Variants in SRPRB observed in about 807,000 individuals in gnomAD.
The protein encoded by SRPRB is signal recognition particle receptor subunit beta.
SRPRB carries 20 observed loss-of-function variants against 31.9 expected under a neutral mutation model. The ratio of observed to expected loss-of-function variants is 0.63; its 90% CI spans 0.44 to 0.91. SRPRB has a LOEUF of 0.91. Among genes scored for constraint, SRPRB ranks in the 40% least tolerant of loss-of-function variants. The probability of loss-of-function intolerance (pLI) is 0.00; values close to 1 mark genes in which losing one functional copy is unlikely to be tolerated. For synonymous variants in SRPRB, 146 were observed against 132.8 expected (o/e 1.10, Z -0.68); for missense variants, 321 against 324.9 (o/e 0.99, Z 0.09).
chr3:133,819,539 C>T lies in SRPRB; in HGVS notation c.603-14C>T, dbSNP rs1016236347. On this transcript the variant is annotated splice_polypyrimidine_tract_variant and intron_variant, in intron 6 of 6. Coordinates refer to ENST00000678299, the MANE Select transcript of SRPRB (RefSeq NM_001379313.1). ...AAAATTTTGCCTCCTGACTTCTTTC[C>T]TTTTGCCCCACAGCAACACCTTACG... is the stretch of plus-strand genomic sequence containing the variant. The T allele has an allele frequency of 1.2e-6, 2 of 1,601,932 alleles. No individual in the cohort carries two copies. Among genetic ancestry groups the T allele is most frequent in the African/African-American group, 2.7e-5 (2 of 74,706 alleles).
At chr3:133,807,862 C>T in intron 3 of SRPRB, 39 bp downstream of exon 3, 1 of 1,507,408 alleles carries the variant, frequency 6.6e-7, no homozygotes. Flanking sequence ...GACAGTCTTA[C>T]TTTACTGTGG....
chr3:133,788,602 T>C (rs1370609723), intron 1 of SRPRB: 1 of 152,126 alleles, frequency 6.6e-6, no homozygotes, highest in Non-Finnish European at 1.5e-5. Flanking sequence ...TTGGGATTTT[T>C]CATCTTTTCT....
At chr3:133,801,032 TATA>T (rs1031174844), upstream of SRPRB, among the ~76,000 whole-genome samples, 2 of 152,230 alleles carry the variant, frequency 1.3e-5, no homozygotes, top group African/African-American at 4.8e-5. Context: ...GAGTTTTTAA[TATA>T]ATAAGCATGT....
chr3:133,820,695 C>G lies in SRPRB; in HGVS notation c.*929C>G, dbSNP rs1375096177. On this transcript the variant is annotated 3_prime_UTR_variant, in exon 7 of 7. Coordinates refer to ENST00000678299, the MANE Select transcript of SRPRB (RefSeq NM_001379313.1). The stretch of plus-strand genomic sequence containing the variant: ...TGCCTTTTTGAAGTGATGTTTTTTG[C>G]TGTCTTCTTAAACACAAGGCTTTTT... 2 of 146,746 alleles carry G rather than the reference C, an allele frequency of 1.4e-5. No homozygotes were observed. Among genetic ancestry groups the G allele is most frequent in the Admixed American group, 1.5e-4 (2 of 13,736 alleles). 9.1% of individuals were successfully genotyped at this position (146,746 alleles called of 1,614,324 possible).
At chr3:133,804,956 G>A (rs1358820193), upstream of SRPRB, among the ~76,000 whole-genome samples, 1 of 152,082 alleles carries the variant, frequency 6.6e-6, no homozygotes, top group Non-Finnish European at 1.5e-5. Context: ...GTTTTATTTG[G>A]GCCACAAGTT....
At chr3:133,821,571 G>A (rs946730137), downstream of SRPRB, 4 of 152,182 alleles carry the variant, frequency 2.6e-5, no homozygotes, top group African/African-American at 9.7e-5. Flanking sequence ...CAGAAAAAGT[G>A]ACTGAAGAAG....
upstream of SRPRB, among the ~76,000 whole-genome samples, chr3:133,803,614 C>G (rs564399992): frequency 1.8e-4 from 28 of 152,106 alleles, 2 homozygotes; most frequent in South Asian, 5.6e-3. Context: ...ACATCTCTAT[C>G]TAGCTACTCG....
rs766744945 is a variant in SRPRB at position 133,819,701 on chromosome 3, G to A, written c.751G>A (p.Gly251Arg). The change falls in exon 7 of 7, where the codon GGA (glycine) becomes AGA (arginine). Residue 251 changes from glycine (G) to arginine (R), a missense_variant. By Grantham distance (125) the Gly-to-Arg change is moderately radical. Coordinates refer to ENST00000678299, the MANE Select transcript of SRPRB (RefSeq NM_001379313.1). ...GTTCCTGGAGTGCAGTGCCAAGGGTGGAAGAGGGGACGTGGGCTCTGCTGA... is the reference window on the plus strand; with the variant it reads ...GTTCCTGGAGTGCAGTGCCAAGGGTAGAAGAGGGGACGTGGGCTCTGCTGA... The part of the protein sequence containing the change: ...VEFLECSAKG[G>R]RGDVGSADIQ... The A allele has an allele frequency of 6.2e-7, 1 of 1,614,174 alleles. No homozygotes were observed. Among genetic ancestry groups the A allele is most frequent in the Non-Finnish European group, 8.5e-7 (1 of 1,180,038 alleles).
At chr3:133,797,609 T>C (rs931659383) in intron 1 of SRPRB, among the ~76,000 whole-genome samples, 2 of 152,196 alleles carry the variant, frequency 1.3e-5, no homozygotes, top group Non-Finnish European at 2.9e-5. Flanking sequence ...TTTTTAAACT[T>C]GATGCTGACT....
chr3:133,816,744 A>T, intron 5 of SRPRB, 134 bp from the exon 6 acceptor site: 1 of 586,314 alleles, frequency 1.7e-6, no homozygotes, highest in Non-Finnish European at 3.0e-6. Flanking sequence ...AGAAGGAACT[A>T]GTGATAAAAG....
chr3:133,811,050 T>C (rs141197613), intron 3 of SRPRB, 67 bp from the exon 4 acceptor site: 2 of 1,489,982 alleles, frequency 1.3e-6, no homozygotes, highest in South Asian at 2.3e-5. Flanking sequence ...CAATATATGA[T>C]ACTAAAGGTT....
rs900416599 is a variant in SRPRB, at chr3:133,820,418, C to G, written c.*652C>G. The G allele has an allele frequency of 6.5e-6, 1 of 153,000 alleles. No individual in the cohort carries two copies. Among genetic ancestry groups the G allele is most frequent in the African/African-American group, 2.4e-5 (1 of 41,416 alleles). The allele number at this position is 153,000 out of a possible 1,614,324, so 9.5% of individuals were successfully genotyped here. A position where few individuals can be genotyped will look rare whatever the true frequency, so the allele number is the denominator to read the frequency against. On this transcript the variant is annotated 3_prime_UTR_variant, in exon 7 of 7. Coordinates refer to ENST00000678299, the MANE Select transcript of SRPRB (RefSeq NM_001379313.1). Reference sequence around the variant, plus strand: ...TTGGAGTCATTCCCAGATAATAGAACTGGAAATGATAAATCCCCTAATGCC... The same window carrying G: ...TTGGAGTCATTCCCAGATAATAGAAGTGGAAATGATAAATCCCCTAATGCC...
chr3:133,822,070 T>C (rs1935482975), downstream of SRPRB, among the ~76,000 whole-genome samples: 1 of 151,988 alleles, frequency 6.6e-6, no homozygotes, highest in Non-Finnish European at 1.5e-5. Flanking sequence ...GGTGGTGCCC[T>C]TTTGTGGCCC....
In SRPRB at chr3:133,806,009, G is replaced by T; in HGVS notation, c.154+7G>T. 2.5e-6 allele frequency: 4 copies of T among 1,611,660 alleles called. No homozygotes were observed. Among genetic ancestry groups the T allele is most frequent in the Non-Finnish European group, 1.7e-6 (2 of 1,178,540 alleles). ...GCGGTGCTGCTGACGCTAGGTAAAA[G>T]GCGGCCGGTGGTCATGGCGGGTTTG... On this transcript the variant is annotated splice_region_variant and intron_variant, in intron 1 of 6. Coordinates refer to ENST00000678299, the MANE Select transcript of SRPRB (RefSeq NM_001379313.1).
At chr3:133,806,140 C>T in intron 1 of SRPRB, 138 bp downstream of exon 1, 1 of 1,152,972 alleles carries the variant, frequency 8.7e-7, no homozygotes. Context: ...CCAGTCTACA[C>T]CCCACCCTCT....
chr3:133,789,459 A>T (rs1934773974), intron 1 of SRPRB: 1 of 152,190 alleles, frequency 6.6e-6, no homozygotes, highest in Non-Finnish European at 1.5e-5. Flanking sequence ...CACAGCCTTC[A>T]TTGGATTGCT....
In SRPRB at chr3:133,806,020, G is replaced by T; in HGVS notation, c.154+18G>T. 1.9e-6 allele frequency: 3 copies of T among 1,609,730 alleles called. No individual in the cohort carries two copies. Among genetic ancestry groups the T allele is most frequent in the Non-Finnish European group, 2.5e-6 (3 of 1,177,420 alleles). Reference sequence around the variant, plus strand: ...GACGCTAGGTAAAAGGCGGCCGGTGGTCATGGCGGGTTTGGGGCGGGCAGA... The same window carrying T: ...GACGCTAGGTAAAAGGCGGCCGGTGTTCATGGCGGGTTTGGGGCGGGCAGA... On this transcript the variant is annotated intron_variant, in intron 1 of 6. Coordinates refer to ENST00000678299, the MANE Select transcript of SRPRB (RefSeq NM_001379313.1).
chr3:133,807,309 A>G (rs930122782), intron 2 of SRPRB, among the ~76,000 whole-genome samples: 5 of 136,650 alleles, frequency 3.7e-5, no homozygotes, highest in African/African-American at 1.4e-4. Flanking sequence ...GCTGGAGTGC[A>G]GTGGCGAGAT....
downstream of SRPRB, chr3:133,828,517 TTTTTAAA>T (rs1935607608): frequency 2.1e-6 from 1 of 480,116 alleles, no homozygotes; most frequent in Non-Finnish European, 3.7e-6. Flanking sequence ...ATTTAAATTT[TTTTTAAA>T]TTTTAACAGT....
Sources: gnomAD v4.1 joint callset for allele counts (sites outside exome capture counted in the v4.1 genomes callset) on GRCh38, gnomAD v4.1.1 for gene constraint, MANE v1.5 for transcripts, NCBI Gene and HGNC (gene_info 2026-07-23, HGNC 2026-07-21) for gene names.